The following KATNIP variants were observed in gnomAD, a reference collection of about 807,000 sequenced individuals.
The protein encoded by KATNIP is katanin interacting protein.
Under a neutral mutation model 174.0 loss-of-function variants are expected in KATNIP, and 126 were observed. That is an observed-to-expected ratio of 0.72 (90% CI 0.63 to 0.84). The LOEUF is 0.84. Ranked by LOEUF, KATNIP falls within the 40% of genes least tolerant of loss-of-function variation. The pLI, the probability that KATNIP is intolerant of heterozygous loss-of-function variation, is 0.00. For synonymous variants in KATNIP, 810 were observed against 835.7 expected, an observed-to-expected ratio of 0.97 and a Z score of 0.53; for missense variants, 1,958 against 2,109.7, an observed-to-expected ratio of 0.93 and a Z score of 1.41.
At chr16:27,716,848 A>G (rs549354233) in intron 13 of KATNIP, among the ~76,000 whole-genome samples, 2 of 145,880 alleles carry the variant, frequency 1.4e-5, no homozygotes, top group Admixed American at 1.4e-4. Flanking sequence ...CCATTTACGT[A>G]GCATTTTTTT....
chr16:27,708,897 C>T lies in KATNIP; in HGVS notation c.1582C>T (p.Arg528Cys), dbSNP rs772590211. ...CACAGCCACGCCTGGGGAGCTGGGC[C>T]GCCTCGTCAACAGGAACTTAGCTGT... ...RNTATPGELGRLVNRNLAGKK... is the reference protein window; with the variant it reads ...RNTATPGELGCLVNRNLAGKK... Residue 528 changes from arginine to cysteine, a missense_variant, in exon 13 of 28, where the codon CGC (arginine) becomes TGC (cysteine). Transcript: ENST00000261588. The T allele has an allele frequency of 5.7e-5, 92 of 1,612,974 alleles. No individual in the cohort carries two copies. Among genetic ancestry groups the T allele is most frequent in the Non-Finnish European group, 7.3e-5 (86 of 1,179,744 alleles).
At chr16:27,671,328 C>T (rs765544090) in intron 6 of KATNIP, among the ~76,000 whole-genome samples, 10 of 152,130 alleles carry the variant, frequency 6.6e-5, no homozygotes, top group East Asian at 1.9e-4. Context: ...TTTTTCAACA[C>T]GCTTCTTTTT....
chr16:27,618,769 G>A (rs1831406036), intron 3 of KATNIP, among the ~76,000 whole-genome samples: 2 of 152,310 alleles, frequency 1.3e-5, no homozygotes, highest in African/African-American at 4.8e-5. Context: ...AGATAAGGTT[G>A]TCAAAAAAGG....
intron 5 of KATNIP, among the ~76,000 whole-genome samples, chr16:27,634,170 ATCC>A (rs1408232128): frequency 1.3e-5 from 2 of 152,150 alleles, no homozygotes; most frequent in African/African-American, 4.8e-5. Flanking sequence ...ATTAATTAGC[ATCC>A]TCCTCAGTCT....
intron 12 of KATNIP, among the ~76,000 whole-genome samples, chr16:27,705,484 TG>T (rs2079263784): frequency 6.6e-6 from 1 of 152,122 alleles, no homozygotes; most frequent in African/African-American, 2.4e-5. Flanking sequence ...TTAAGCTGTC[TG>T]GTCCTGGCTC....
chr16:27,642,769 A>AAT (rs1282142453), intron 5 of KATNIP, among the ~76,000 whole-genome samples: 110 of 125,624 alleles, frequency 8.8e-4, no homozygotes, highest in African/African-American at 2.8e-3. Context: ...TTTTTAAAAA[A>AAT]TTTTTTTTTT....
intron 5 of KATNIP, among the ~76,000 whole-genome samples, chr16:27,647,050 G>T (rs766660774): frequency 1.1e-4 from 16 of 151,940 alleles, no homozygotes; most frequent in Non-Finnish European, 2.2e-4. Context: ...GGTTCACGCG[G>T]TTCCTCTTAG....
At chr16:27,565,994 C>A (rs927924233) in intron 1 of KATNIP, among the ~76,000 whole-genome samples, 2 of 151,068 alleles carry the variant, frequency 1.3e-5, no homozygotes, top group African/African-American at 4.9e-5. Context: ...AAAACCAGGC[C>A]CACCTTTCTG....
Position 27,778,662 on chromosome 16 carries a change from A to G in KATNIP, c.*33A>G, listed in dbSNP as rs757823507. The G allele has an allele frequency of 4.4e-6, 7 of 1,604,246 alleles. No individual in the cohort carries two copies. The highest frequency in any genetic ancestry group is 5.1e-6 in the Non-Finnish European group (6 of 1,172,966). On this transcript the variant is annotated 3_prime_UTR_variant, in exon 28 of 28. Transcript: ENST00000261588. ...AGGAGGGAGAGCTGGTCCTCCCACT[A>G]TGGTGGGCTCCGTCAGCAGCCCCAC...
At chr16:27,728,655 C>T (rs1234146441) in intron 14 of KATNIP, among the ~76,000 whole-genome samples, 4 of 152,318 alleles carry the variant, frequency 2.6e-5, no homozygotes, top group Non-Finnish European at 5.9e-5. Flanking sequence ...GTCTCAAACT[C>T]CTGACCTCAA....
intron 14 of KATNIP, among the ~76,000 whole-genome samples, chr16:27,724,356 A>G (rs1476651596): frequency 1.3e-5 from 2 of 152,230 alleles, no homozygotes; most frequent in Non-Finnish European, 2.9e-5. Context: ...CTGTCATTGA[A>G]TATATATCTC....
intron 19 of KATNIP, among the ~76,000 whole-genome samples, chr16:27,762,855 C>G (rs1203921067): frequency 6.6e-6 from 1 of 152,204 alleles, no homozygotes; most frequent in African/African-American, 2.4e-5. Context: ...GAAAAGTGAT[C>G]AACGCACAGT....
intron 13 of KATNIP, among the ~76,000 whole-genome samples, chr16:27,717,566 T>C (rs1403175641): frequency 6.6e-6 from 1 of 152,046 alleles, no homozygotes; most frequent in East Asian, 1.9e-4. Flanking sequence ...ACCTGGTGGG[T>C]CAGGTTCCCT....
Position 27,721,696 on chromosome 16 carries a change from G to T in KATNIP, c.1743+1G>T, listed in dbSNP as rs1031756327. On this transcript the variant is annotated splice_donor_variant, in intron 14 of 27. Transcript: ENST00000261588. LOFTEE classifies it high-confidence loss of function. Reference sequence around the variant, plus strand: ...TCGGAATTACTGGACAGCTGATGGCGTAAGTAACAGGCGCTGGTTCCCCAC... The same window carrying T: ...TCGGAATTACTGGACAGCTGATGGCTTAAGTAACAGGCGCTGGTTCCCCAC... 6.2e-7 allele frequency: 1 copy of T among 1,613,476 alleles called. No individual in the cohort carries two copies. Among genetic ancestry groups the T allele is most frequent in the Admixed American group, 1.7e-5 (1 of 60,022 alleles).
chr16:27,713,822 A>G (rs1235623023), intron 13 of KATNIP, among the ~76,000 whole-genome samples: 19 of 40,750 alleles, frequency 4.7e-4, no homozygotes, highest in African/African-American at 2.2e-3. Flanking sequence ...ATATATATAT[A>G]TATATATATA....
rs567457201 is a variant in KATNIP, at chr16:27,586,393, A to C, written c.63+12437A>C. On this transcript the variant is annotated intron_variant, in intron 2 of 27. Transcript: ENST00000261588. ...GAGGCTTAGGCAGGAGGATCACTTG[A>C]GCCCAGGAGTTTGAGGCCAGCCTGG... 2.7e-3 allele frequency among the ~76,000 whole-genome samples: 404 copies of C among 152,220 alleles called. 3 individuals are homozygous for C. The highest frequency in any genetic ancestry group is 0.014 in the Middle Eastern group (4 of 294).
At chr16:27,721,734 T>G (rs2080252192) in intron 14 of KATNIP, 39 bp downstream of exon 14, 1 of 1,603,766 alleles carries the variant, frequency 6.2e-7, no homozygotes, top group Non-Finnish European at 8.5e-7. Flanking sequence ...GGCACTGGGT[T>G]GATGGAAGCA....
At chr16:27,750,387 G>A (rs1263953591) in intron 16 of KATNIP, 81 bp downstream of exon 16, 2 of 1,410,104 alleles carry the variant, frequency 1.4e-6, no homozygotes, top group Non-Finnish European at 1.9e-6. Context: ...AGACCAGCTG[G>A]CTAGCCAACA....
At chr16:27,654,746 G>T in intron 6 of KATNIP, 1 of 1,351,986 alleles carries the variant, frequency 7.4e-7, no homozygotes, top group Non-Finnish European at 9.8e-7. Flanking sequence ...GGTAAGATCA[G>T]TTTTCAGCAT....
Sources: gnomAD v4.1 joint callset for allele counts (sites outside exome capture counted in the v4.1 genomes callset) on GRCh38, gnomAD v4.1.1 for gene constraint, MANE v1.5 for transcripts, NCBI Gene and HGNC (gene_info 2026-07-23, HGNC 2026-07-21) for gene names.